Variants in BRWD3 observed in about 807,000 individuals in gnomAD.
The protein encoded by BRWD3 is bromodomain and WD repeat domain containing 3.
BRWD3 carries 10 observed loss-of-function variants against 149.7 expected under a neutral mutation model. That is an observed-to-expected ratio of 0.07 (90% CI 0.04 to 0.11). BRWD3 has a LOEUF of 0.11. Among genes scored for constraint, BRWD3 ranks in the 10% least tolerant of loss-of-function variants. The pLI, the probability that BRWD3 is intolerant of heterozygous loss-of-function variation, is 1.00. For missense variants in BRWD3, 940 were observed against 1,373.2 expected, an observed-to-expected ratio of 0.68 and a Z score of 4.99; for synonymous variants, 504 against 456.7, an observed-to-expected ratio of 1.10 and a Z score of -1.32.
At chrX:80,696,914 A>AT (rs755423137) in intron 25 of BRWD3, 51 bp from the exon 26 acceptor site, 32 of 1,040,593 alleles carry the variant, frequency 3.1e-5, no homozygotes, top group Non-Finnish European at 4.1e-5. Flanking sequence ...ATTACTTAAC[A>AT]TTTGTATAAT....
intron 14 of BRWD3, 38 bp from the exon 15 acceptor site, chrX:80,725,105 G>A (rs746686968): frequency 6.0e-5 from 71 of 1,183,885 alleles, no homozygotes; most frequent in South Asian, 2.5e-4. Flanking sequence ...AAAGCAACAC[G>A]AAATGTTTGG....
At chrX:80,756,084 G>A (rs1303559103) in intron 6 of BRWD3, among the ~76,000 whole-genome samples, 2 of 111,539 alleles carry the variant, frequency 1.8e-5, no homozygotes, top group Non-Finnish European at 3.8e-5. Flanking sequence ...TCTAACATAA[G>A]GTATGACATA....
chrX:80,722,523 G>T, intron 17 of BRWD3, 39 bp downstream of exon 17: 1 of 1,153,573 alleles, frequency 8.7e-7, no homozygotes, highest in Non-Finnish European at 1.2e-6. Flanking sequence ...GTATAACATT[G>T]GGCAAAATGT....
chrX:80,688,621 T>C lies in BRWD3; in HGVS notation c.3808-496A>G, dbSNP rs561583426. On this transcript the variant is annotated intron_variant, in intron 33 of 40. Transcript: ENST00000373275. ...TGAAGAGTCAAGACCCAAGCACCAC[T>C]AGTGCTGGTGAAACACTGGGTAATA... 8.1e-5 allele frequency among the ~76,000 whole-genome samples: 9 copies of C among 110,898 alleles called. No individual in the cohort carries two copies. The South Asian group carries it at 3.0e-3, about 37-fold the overall frequency.
intron 6 of BRWD3, among the ~76,000 whole-genome samples, chrX:80,761,538 T>C (rs2073802571): frequency 8.9e-6 from 1 of 111,823 alleles, no homozygotes; most frequent in Non-Finnish European, 1.9e-5. Flanking sequence ...AACTTAAGGT[T>C]TAATATTTTA....
At position 80,779,269 on chromosome X, in the gene BRWD3, T is replaced by G. The variant is rs747084728; in HGVS notation, c.430+12585A>C. On this transcript the variant is annotated intron_variant, in intron 6 of 40. Coordinates refer to ENST00000373275, the MANE Select transcript of BRWD3 (RefSeq NM_153252.5). ...GGTGAAGGTTGCAGTGAGTCGAGATTGTGCCACTGCACTCCAGCCTGGGCA... is the reference window on the plus strand; with the variant it reads ...GGTGAAGGTTGCAGTGAGTCGAGATGGTGCCACTGCACTCCAGCCTGGGCA... 2.0e-4 allele frequency among the ~76,000 whole-genome samples: 22 copies of G among 109,657 alleles called. No homozygotes were observed. The East Asian group carries it at 6.1e-3, about 30-fold the overall frequency.
In BRWD3 at chrX:80,682,060, G is replaced by A. The variant is rs372009174; in HGVS notation, c.4432C>T (p.Pro1478Ser). 8.3e-7 allele frequency: 1 copy of A among 1,207,091 alleles called. No individual in the cohort carries two copies. Among genetic ancestry groups the A allele is most frequent in the African/African-American group, 1.8e-5 (1 of 56,845 alleles). ...ACTGAGGTATTCTGGTCATTTTTAGGCTGCAACTTCATTTGTTTCTGCTTC... is the reference window on the plus strand; with the variant it reads ...ACTGAGGTATTCTGGTCATTTTTAGACTGCAACTTCATTTGTTTCTGCTTC... Reference protein sequence around the residue: ...KGKQKQMKLQPKNDQNTSVSH... With the variant: ...KGKQKQMKLQSKNDQNTSVSH... Residue 1478 changes from proline (P) to serine (S), a missense_variant, in exon 39 of 41, where the codon CCT becomes TCT. Transcript: ENST00000373275.
chrX:80,713,381 A>G (rs1036460391), intron 20 of BRWD3, among the ~76,000 whole-genome samples: 60 of 112,358 alleles, frequency 5.3e-4, no homozygotes, highest in African/African-American at 1.0e-3. Flanking sequence ...CTGTTGATCT[A>G]TGACCTTAAC....
At chrX:80,712,888 A>T (rs1406652533) in intron 20 of BRWD3, among the ~76,000 whole-genome samples, 3 of 90,278 alleles carry the variant, frequency 3.3e-5, no homozygotes, top group African/African-American at 1.1e-4. Context: ...GCCCCGTCTG[A>T]GAAGTGAGGA....
chrX:80,692,856 G>T, intron 28 of BRWD3, 84 bp downstream of exon 28: 1 of 732,696 alleles, frequency 1.4e-6, no homozygotes, highest in Non-Finnish European at 2.2e-6. Flanking sequence ...CAGATAAAAG[G>T]GCATTACTCC....
At chrX:80,708,076 C>T (rs1339380689) in intron 21 of BRWD3, among the ~76,000 whole-genome samples, 5 of 112,076 alleles carry the variant, frequency 4.5e-5, no homozygotes, top group Non-Finnish European at 9.4e-5. Context: ...AGTACAACCG[C>T]AATGCTGTTA....
rs145334967 is a variant in BRWD3 at position 80,726,320 on chromosome X, C to G, written c.1387-1253G>C. ...ACGTTTACATGTTATGTCTGTATAA[C>G]ATATAACATGTTTACATGTTATGTC... On this transcript the variant is annotated intron_variant, in intron 14 of 40. Transcript: ENST00000373275. 2.0e-3 allele frequency among the ~76,000 whole-genome samples: 199 copies of G among 100,842 alleles called. No individual in the cohort carries two copies. The East Asian group carries it at 0.046, about 24-fold the overall frequency. 87.6% of individuals were successfully genotyped at this position (100,842 alleles called of 115,157 possible).
At chrX:80,723,935 G>A (rs2073185891) in intron 15 of BRWD3, 59 bp from the exon 16 acceptor site, 2 of 1,120,317 alleles carry the variant, frequency 1.8e-6, no homozygotes, top group Non-Finnish European at 2.4e-6. Context: ...ATAGATAGGC[G>A]GTAACTTCTC....
At chrX:80,686,532 C>G (rs2072527776) in intron 35 of BRWD3, among the ~76,000 whole-genome samples, 1 of 110,147 alleles carries the variant, frequency 9.1e-6, no homozygotes, top group Non-Finnish European at 1.9e-5. Flanking sequence ...ATAAATTACA[C>G]AGGATTGACA....
At position 80,690,024 on chromosome X, in the gene BRWD3, T is replaced by C. The variant is rs2072589735; in HGVS notation, c.3671A>G (p.Asp1224Gly). 1.7e-6 allele frequency: 2 copies of C among 1,205,735 alleles called. No homozygotes were observed. The highest frequency in any genetic ancestry group is 2.2e-6 in the Non-Finnish European group (2 of 891,715). Residue 1224 changes from aspartate to glycine, a missense_variant, in exon 32 of 41, where the codon GAC becomes GGC. Asp to Gly is a moderately conservative substitution (Grantham distance 94). Coordinates refer to ENST00000373275, the MANE Select transcript of BRWD3 (RefSeq NM_153252.5). ...TTTAGCTGCTTTAACTATAGGACTG[T>C]CTGGCTCATTGAAAGTCCTGGCATT... ...EHNARTFNEP[D>G]SPIVKAAKIV...
chrX:80,707,331 C>T (rs1025286549), intron 22 of BRWD3, 96 bp downstream of exon 22: 15 of 832,546 alleles, frequency 1.8e-5, no homozygotes, highest in Non-Finnish European at 2.5e-5. Flanking sequence ...CTATAAAACA[C>T]TATTTTAATT....
intron 40 of BRWD3, among the ~76,000 whole-genome samples, chrX:80,680,451 G>A (rs893398486): frequency 6.2e-5 from 7 of 112,188 alleles, no homozygotes; most frequent in Non-Finnish European, 1.3e-4. Flanking sequence ...AAATGCAGAA[G>A]GTTCTTCTGA....
At position 80,689,816 on chromosome X, in the gene BRWD3, A is replaced by G. The variant is rs1039671243; in HGVS notation, c.3759T>C (p.Thr1253=). The part of the protein sequence containing the change: ...GDQSCTDILD[T]YNKIKAEERN... ...GTTCTTCTGCTTTAATTTTATTATA[A>G]GTATCCAGTATATCAGTACAGCTCT... The change falls in exon 33 of 41, where the codon ACT becomes ACC. Residue 1253 remains threonine (T), a synonymous_variant. Coordinates refer to ENST00000373275, the MANE Select transcript of BRWD3 (RefSeq NM_153252.5). 9.2e-6 allele frequency: 11 copies of G among 1,200,702 alleles called. No individual in the cohort carries two copies. The highest frequency in any genetic ancestry group is 2.5e-4 in the Middle Eastern group (1 of 4,031).
chrX:80,737,347 G>A (rs140294343), intron 8 of BRWD3, among the ~76,000 whole-genome samples: 319 of 111,801 alleles, frequency 2.9e-3, no homozygotes, highest in African/African-American at 0.01. Flanking sequence ...CAATGTAAAT[G>A]CTGTAGTAAT....
Sources: gnomAD v4.1 joint callset for allele counts (sites outside exome capture counted in the v4.1 genomes callset) on GRCh38, gnomAD v4.1.1 for gene constraint, MANE v1.5 for transcripts, NCBI Gene and HGNC (gene_info 2026-07-23, HGNC 2026-07-21) for gene names.